The following NELL2 variants were observed in gnomAD, a reference collection of about 807,000 sequenced individuals.
The protein encoded by NELL2 is neural EGFL like 2, also known as protein kinase C-binding protein NELL2.
Under a neutral mutation model 109.6 loss-of-function variants are expected in NELL2, and 41 were observed. That is an observed-to-expected ratio of 0.37 (90% CI 0.29 to 0.49). NELL2 has a LOEUF of 0.49. NELL2 is among the 20% of genes least tolerant of loss of function. NELL2 has a pLI of 0.98. For missense variants in NELL2, 900 were observed against 1,008.3 expected, an observed-to-expected ratio of 0.89 and a Z score of 1.45; for synonymous variants, 355 against 344.7, an observed-to-expected ratio of 1.03 and a Z score of -0.33.
At chr12:44,545,533 T>C (rs1000818120) in intron 15 of NELL2, among the ~76,000 whole-genome samples, 2 of 152,020 alleles carry the variant, frequency 1.3e-5, no homozygotes, top group Non-Finnish European at 2.9e-5. Context: ...GTAAATATTA[T>C]GAGGTCTACA....
At chr12:44,909,986 A>G (rs393137) in intron 1 of NELL2, among the ~76,000 whole-genome samples, 5,300 of 151,996 alleles carry the variant, frequency 0.035, 201 homozygotes, top group African/African-American at 0.086. Flanking sequence ...ATTAACTCAA[A>G]ATGGGTTAAA....
intron 12 of NELL2, among the ~76,000 whole-genome samples, chr12:44,669,009 C>A (rs1774205198): frequency 6.6e-6 from 1 of 152,176 alleles, no homozygotes; most frequent in Admixed American, 6.5e-5. Flanking sequence ...CCACACCCAG[C>A]CCACCAATGC....
At chr12:44,915,637 C>T (rs1053583922), upstream of NELL2, among the ~76,000 whole-genome samples, 2 of 152,120 alleles carry the variant, frequency 1.3e-5, no homozygotes, top group African/African-American at 4.8e-5. Context: ...TTAAAATTCT[C>T]TTCCCAATAA....
intron 13 of NELL2, among the ~76,000 whole-genome samples, chr12:44,644,629 TAC>T (rs561941757): frequency 2.9e-4 from 27 of 92,408 alleles, no homozygotes; most frequent in East Asian, 2.6e-3. Context: ...TATATATACA[TAC>T]ATATATATAT....
upstream of NELL2, among the ~76,000 whole-genome samples, chr12:44,914,850 GA>G (rs1189947957): frequency 1.4e-5 from 2 of 146,194 alleles, no homozygotes; most frequent in African/African-American, 2.6e-5. Context: ...CAGTAAAAAA[GA>G]AATTTTTTTT....
chr12:44,637,315 C>T (rs1439178598), intron 13 of NELL2, among the ~76,000 whole-genome samples: 2 of 150,368 alleles, frequency 1.3e-5, no homozygotes, highest in African/African-American at 4.9e-5. Context: ...CTCTTGAACC[C>T]TTTTACATAT....
At chr12:44,549,255 T>C (rs1408786452) in intron 15 of NELL2, among the ~76,000 whole-genome samples, 1 of 152,184 alleles carries the variant, frequency 6.6e-6, no homozygotes, top group South Asian at 2.1e-4. Context: ...TGTTGGCACA[T>C]AGCTAGACTA....
chr12:44,644,602 ATGTATG>A (rs1263020557), intron 13 of NELL2, among the ~76,000 whole-genome samples: 60 of 83,746 alleles, frequency 7.2e-4, no homozygotes, highest in East Asian at 1.6e-3. Flanking sequence ...ATATATATAT[ATGTATG>A]TATATATATA....
chr12:44,665,594 G>A lies in NELL2; in HGVS notation c.1334C>T (p.Ala445Val). 1.2e-6 allele frequency: 2 copies of A among 1,612,894 alleles called. No individual in the cohort carries two copies. Among genetic ancestry groups the A allele is most frequent in the Non-Finnish European group, 1.7e-6 (2 of 1,179,192 alleles). The change falls in exon 13 of 20, where the codon GCT becomes GTT. Residue 445 changes from alanine to valine, a missense_variant. Around this residue, in one of 4 missense-constraint regions of NELL2, gnomAD observed 292 missense variants for 265.3 expected, o/e 1.10. Coordinates refer to ENST00000429094, the MANE Select transcript of NELL2 (RefSeq NM_001145108.2). ...NAYCEDIDEC[A>V]EGRHYCRENT... is the part of the protein sequence containing the mutation. ...TTCACGACAGTAATGGCGCCCTTCA[G>A]CACACTCATCGATGTCTGTGAAGAA...
chr12:44,854,554 C>T (rs1944621450), intron 2 of NELL2, among the ~76,000 whole-genome samples: 1 of 151,268 alleles, frequency 6.6e-6, no homozygotes, highest in Non-Finnish European at 1.5e-5. Context: ...CTTCAGAAAT[C>T]GTTTAATCTA....
chr12:44,901,462 C>T (rs1278717736), intron 1 of NELL2, among the ~76,000 whole-genome samples: 1 of 152,130 alleles, frequency 6.6e-6, no homozygotes, highest in Non-Finnish European at 1.5e-5. Context: ...CTGAATTCTA[C>T]CAGAGGTACA....
intron 12 of NELL2, among the ~76,000 whole-genome samples, chr12:44,689,945 C>T (rs1053962956): frequency 6.6e-6 from 1 of 152,102 alleles, no homozygotes; most frequent in Non-Finnish European, 1.5e-5. Context: ...GATCGGAGAT[C>T]GAATAATTCA....
At chr12:44,855,776 G>T (rs1361948241) in intron 2 of NELL2, among the ~76,000 whole-genome samples, 7 of 152,110 alleles carry the variant, frequency 4.6e-5, no homozygotes, top group African/African-American at 1.4e-4. Context: ...GGATGTCCAG[G>T]TTCTTCAAAA....
At chr12:44,733,839 T>C (rs1939500674) in intron 9 of NELL2, among the ~76,000 whole-genome samples, 1 of 151,928 alleles carries the variant, frequency 6.6e-6, no homozygotes, top group South Asian at 2.1e-4. Context: ...TGCCACTGAT[T>C]TCTAGTTTAA....
chr12:44,537,033 G>A lies in NELL2; in HGVS notation c.1664-4312C>T, dbSNP rs964612740. On this transcript the variant is annotated intron_variant, in intron 15 of 19. Coordinates refer to ENST00000429094, the MANE Select transcript of NELL2 (RefSeq NM_001145108.2). ...ACAAAAACCAAAAAAAAAAAAAAAGGAAAATGTATGAATAGAAAAAAAAAA... is the reference window on the plus strand; with the variant it reads ...ACAAAAACCAAAAAAAAAAAAAAAGAAAAATGTATGAATAGAAAAAAAAAA... 8.7e-3 allele frequency among the ~76,000 whole-genome samples: 1,243 copies of A among 143,204 alleles called. 14 individuals are homozygous for A. Among genetic ancestry groups the A allele is most frequent in the Non-Finnish European group, 0.014 (930 of 65,160 alleles). 93.9% of individuals were successfully genotyped at this position (143,204 alleles called of 152,430 possible). A position where few individuals can be genotyped will look rare whatever the true frequency, so the allele number is the denominator to read the frequency against.
intron 12 of NELL2, among the ~76,000 whole-genome samples, chr12:44,687,887 T>G (rs1162229749): frequency 6.6e-6 from 1 of 152,200 alleles, no homozygotes; most frequent in African/African-American, 2.4e-5. Flanking sequence ...AATTTATTAT[T>G]TTTAATAATT....
Position 44,589,654 on chromosome 12 carries a change from C to T in NELL2, c.1663+17515G>A, listed in dbSNP as rs562965675. Among the ~76,000 whole-genome samples, 4 of 152,308 alleles carry T rather than the reference C, an allele frequency of 2.6e-5. No homozygotes were observed. In the East Asian group the frequency reaches 7.7e-4, roughly 29 times the overall value. ...TTGGCCTCCCAAAGTGCTGGGATTA[C>T]AGGCATGAGAAGAGACACTACTTTT... On this transcript the variant is annotated intron_variant, in intron 15 of 19. Transcript: ENST00000429094.
intron 15 of NELL2, among the ~76,000 whole-genome samples, chr12:44,577,433 A>C (rs1005155640): frequency 1.8e-5 from 2 of 111,014 alleles, no homozygotes; most frequent in Non-Finnish European, 3.8e-5. Context: ...TTCATTGTAG[A>C]TTCTGGATAT....
intron 13 of NELL2, among the ~76,000 whole-genome samples, chr12:44,624,992 GT>G (rs1946189701): frequency 1.6e-5 from 1 of 60,698 alleles, no homozygotes; most frequent in Admixed American, 1.7e-4. Flanking sequence ...ATATATATGT[GT>G]GTGTATATAT....
Sources: gnomAD v4.1 joint callset for allele counts (sites outside exome capture counted in the v4.1 genomes callset) on GRCh38, gnomAD v4.1.1 for gene constraint, gnomAD v4.1.1 regional missense constraint, MANE v1.5 for transcripts, NCBI Gene and HGNC (gene_info 2026-07-23, HGNC 2026-07-21) for gene names.